The following IFNA16 variants were observed in gnomAD, a reference collection of about 807,000 sequenced individuals.
The protein encoded by IFNA16 is interferon alpha 16.
For missense variants in IFNA16, 332 were observed against 213.5 expected (o/e 1.55, Z -3.46); for synonymous variants, 122 against 83.3 (o/e 1.46, Z -2.53).
chr9:21,217,294 G>T lies in IFNA16; in HGVS notation c.12C>A (p.Ser4=), dbSNP rs1355479199. ...CCAGCACGGCCATCAGTAAAGAAAA[G>T]GACAGGGCCATTGGGATGTTGCAAA... MAL[S]FSLLMAVLVL... Residue 4 remains serine, a synonymous_variant, in exon 1 of 1, where the codon TCC becomes TCA. Transcript: ENST00000380216. 6.2e-7 allele frequency: 1 copy of T among 1,610,272 alleles called. No homozygotes were observed. The highest frequency in any genetic ancestry group is 8.5e-7 in the Non-Finnish European group (1 of 1,178,106).
chr9:21,216,968 A>T lies in IFNA16; in HGVS notation c.338T>A (p.Phe113Tyr), dbSNP rs1169919980. 1 of 1,613,936 alleles carries T rather than the reference A, an allele frequency of 6.2e-7. No homozygotes were observed. Among genetic ancestry groups the T allele is most frequent in the Non-Finnish European group, 8.5e-7 (1 of 1,179,940 alleles). Residue 113 changes from phenylalanine to tyrosine, a missense_variant, in exon 1 of 1, where the codon TTC becomes TAC. Transcript: ENST00000380216. ...GGCTTCTAGGTCATTCAGTTGCTGG[A>T]AAAGTTCAATGTAGAATTTGTCTAG... ...TLLDKFYIELFQQLNDLEACV... is the reference protein window; with the variant it reads ...TLLDKFYIELYQQLNDLEACV...
At position 21,216,570 on chromosome 9, in the gene IFNA16, G is replaced by T. The variant is rs1377657252; in HGVS notation, c.*166C>A. The T allele has an allele frequency of 1.5e-5, 13 of 878,312 alleles. No homozygotes were observed. In the Admixed American group the frequency reaches 3.7e-4, roughly 25 times the overall value. The allele number at this position is 878,312 out of a possible 1,614,324, so 54.4% of individuals were successfully genotyped here. A position where few individuals can be genotyped will look rare whatever the true frequency, so the allele number is the denominator to read the frequency against. ...CAGCATGGTCATCTGTAAAGGACTAGTGCCTGCACAGGTAAACACGATGCT... is the reference window on the plus strand; with the variant it reads ...CAGCATGGTCATCTGTAAAGGACTATTGCCTGCACAGGTAAACACGATGCT... On this transcript the variant is annotated 3_prime_UTR_variant, in exon 1 of 1. Coordinates refer to ENST00000380216, the MANE Select transcript of IFNA16 (RefSeq NM_002173.3).
chr9:21,216,619 G>C lies in IFNA16; in HGVS notation c.*117C>G, dbSNP rs1346886424. ...CTTCTTTACACTCCTGAAAACATTT[G>C]AAAATTTTGATTCAACTTGTGGTGG... is the stretch of plus-strand genomic sequence containing the variant. On this transcript the variant is annotated 3_prime_UTR_variant, in exon 1 of 1. Coordinates refer to ENST00000380216, the MANE Select transcript of IFNA16 (RefSeq NM_002173.3). 2 of 1,452,628 alleles carry C rather than the reference G, an allele frequency of 1.4e-6. No homozygotes were observed. 90.0% of individuals were successfully genotyped at this position (1,452,628 alleles called of 1,614,324 possible). A position where few individuals can be genotyped will look rare whatever the true frequency, so the allele number is the denominator to read the frequency against.
Position 21,216,922 on chromosome 9 carries a change from C to G in IFNA16, c.384G>C (p.Gly128=), listed in dbSNP as rs781334611. ...CATTCATCAGGGCAATCTCTTCCACCCCAACCTCCTGTGTCACACAGGCTT... is the reference window on the plus strand; with the variant it reads ...CATTCATCAGGGCAATCTCTTCCACGCCAACCTCCTGTGTCACACAGGCTT... The part of the protein sequence containing the change: ...DLEACVTQEV[G]VEEIALMNED... The change falls in exon 1 of 1, where the codon GGG becomes GGC. Residue 128 remains glycine (G), a synonymous_variant. Transcript: ENST00000380216. The G allele has an allele frequency of 1.2e-6, 2 of 1,613,906 alleles. No individual in the cohort carries two copies. Among genetic ancestry groups the G allele is most frequent in the Non-Finnish European group, 1.7e-6 (2 of 1,179,934 alleles).
Position 21,217,137 on chromosome 9 carries a change from A to G in IFNA16, c.169T>C (p.Tyr57His), listed in dbSNP as rs144860331. The change falls in exon 1 of 1, where the codon TAT (tyrosine) becomes CAT (histidine). Residue 57 changes from tyrosine (Y) to histidine (H), a missense_variant. By Grantham distance (83) the Tyr-to-His change is moderately conservative. Coordinates refer to ENST00000380216, the MANE Select transcript of IFNA16 (RefSeq NM_002173.3). Reference protein sequence around the residue: ...ISHFSCLKDRYDFGFPQEVFD... With the variant: ...ISHFSCLKDRHDFGFPQEVFD... ...ACCTCCTGGGGGAATCCGAAATCAT[A>G]TCTGTCCTTCAGGCAGGAGAAATGA... 118 of 1,613,870 alleles carry G rather than the reference A, an allele frequency of 7.3e-5. No homozygotes were observed. The highest frequency in any genetic ancestry group is 9.5e-5 in the Non-Finnish European group (112 of 1,179,914).
Position 21,217,071 on chromosome 9 carries a change from C to T in IFNA16, c.235G>A (p.Ala79Thr), listed in dbSNP as rs1383399917. The T allele has an allele frequency of 2.5e-6, 4 of 1,613,792 alleles. No homozygotes were observed. In the Admixed American group the frequency reaches 6.7e-5, roughly 27 times the overall value. ...NQFQKAQAIS[A>T]FHEMIQQTFN... is the part of the protein sequence containing the mutation. ...GTCTGCTGGATCATCTCATGGAAGG[C>T]AGAGATGGCTTGAGCCTTCTGGAAC... is the stretch of plus-strand genomic sequence containing the variant. Residue 79 changes from alanine (A) to threonine (T), a missense_variant, in exon 1 of 1, where the codon GCC (alanine) becomes ACC (threonine). Coordinates refer to ENST00000380216, the MANE Select transcript of IFNA16 (RefSeq NM_002173.3).
rs149344621 is a variant in IFNA16, at chr9:21,216,988, G to T, written c.318C>A (p.Asp106Glu). The T allele has an allele frequency of 5.6e-4, 898 of 1,613,852 alleles. 3 individuals carry two copies. The highest frequency in any genetic ancestry group is 2.6e-3 in the Middle Eastern group (16 of 6,058). The stretch of plus-strand genomic sequence containing the variant: ...GCTGGAAAAGTTCAATGTAGAATTT[G>T]TCTAGGAGGGTCTCATCCCAAGCAG... ...SSAAWDETLL[D>E]KFYIELFQQL... The change falls in exon 1 of 1, where the codon GAC becomes GAA. Residue 106 changes from aspartate (D) to glutamate (E), a missense_variant. Transcript: ENST00000380216.
chr9:21,217,185 G>A lies in IFNA16; in HGVS notation c.121C>T (p.Leu41=), dbSNP rs771267247. ...SLGNRRALIL[L]AQMGRISHFS... ...TGAGAGATTCTTCCCATTTGTGCCA[G>A]GAGTATCAAGGCCCTCCTATTACCC... is the stretch of plus-strand genomic sequence containing the variant. The change falls in exon 1 of 1, where the codon CTG becomes TTG. Residue 41 remains leucine, a synonymous_variant. Transcript: ENST00000380216. 5 of 1,613,930 alleles carry A rather than the reference G, an allele frequency of 3.1e-6. No individual in the cohort carries two copies. The highest frequency in any genetic ancestry group is 1.7e-5 in the Admixed American group (1 of 59,964).
In IFNA16 at chr9:21,216,639, T is replaced by G; in HGVS notation, c.*97A>C. The G allele has an allele frequency of 6.6e-7, 1 of 1,512,666 alleles. No individual in the cohort carries two copies. Among genetic ancestry groups the G allele is most frequent in the Non-Finnish European group, 8.9e-7 (1 of 1,123,342 alleles). The allele number at this position is 1,512,666 out of a possible 1,614,324, so 93.7% of individuals were successfully genotyped here. On this transcript the variant is annotated 3_prime_UTR_variant, in exon 1 of 1. Transcript: ENST00000380216. ...CATTTGAAAATTTTGATTCAACTTG[T>G]GGTGGTTATAGAAGTGAGTCTTTGA...
rs775722069 is a variant in IFNA16 at position 21,216,693 on chromosome 9, G to A, written c.*43C>T. 31 of 1,595,202 alleles carry A rather than the reference G, an allele frequency of 1.9e-5. No homozygotes were observed. Among genetic ancestry groups the A allele is most frequent in the Middle Eastern group, 3.3e-4 (2 of 5,974 alleles). Reference sequence around the variant, plus strand: ...GGAAGAACTCATGAAAGTGTGAGATGATGTATTAATCAATGAGGATCATTT... The same window carrying A: ...GGAAGAACTCATGAAAGTGTGAGATAATGTATTAATCAATGAGGATCATTT... On this transcript the variant is annotated 3_prime_UTR_variant, in exon 1 of 1. Coordinates refer to ENST00000380216, the MANE Select transcript of IFNA16 (RefSeq NM_002173.3).
In IFNA16 at chr9:21,216,611, A is replaced by G; in HGVS notation, c.*125T>C. 3 of 1,409,404 alleles carry G rather than the reference A, an allele frequency of 2.1e-6. No individual in the cohort carries two copies. In the East Asian group the frequency reaches 7.0e-5, roughly 33 times the overall value. 87.3% of individuals were successfully genotyped at this position (1,409,404 alleles called of 1,614,324 possible). ...ACACGATGCTTCTTTACACTCCTGAAAACATTTGAAAATTTTGATTCAACT... is the reference window on the plus strand; with the variant it reads ...ACACGATGCTTCTTTACACTCCTGAGAACATTTGAAAATTTTGATTCAACT... On this transcript the variant is annotated 3_prime_UTR_variant, in exon 1 of 1. Transcript: ENST00000380216.
In IFNA16 at chr9:21,216,664, A is replaced by G. The variant is rs1182990952; in HGVS notation, c.*72T>C. ...TGGTGGTTATAGAAGTGAGTCTTTG[A>G]AATGGAAGAACTCATGAAAGTGTGA... On this transcript the variant is annotated 3_prime_UTR_variant, in exon 1 of 1. Transcript: ENST00000380216. The G allele has an allele frequency of 8.3e-6, 13 of 1,561,260 alleles. No homozygotes were observed. The highest frequency in any genetic ancestry group is 1.7e-6 in the Non-Finnish European group (2 of 1,156,286).
At position 21,217,299 on chromosome 9, in the gene IFNA16, G is replaced by A. The variant is rs746286661; in HGVS notation, c.7C>T (p.Leu3=). The A allele has an allele frequency of 1.2e-6, 2 of 1,606,442 alleles. No individual in the cohort carries two copies. Among genetic ancestry groups the A allele is most frequent in the African/African-American group, 1.3e-5 (1 of 74,656 alleles). ...ACGGCCATCAGTAAAGAAAAGGACA[G>A]GGCCATTGGGATGTTGCAAATATTG... The part of the protein sequence containing the change: MA[L]SFSLLMAVLV... Residue 3 remains leucine, a synonymous_variant, in exon 1 of 1, where the codon CTG becomes TTG. Transcript: ENST00000380216.
Position 21,217,149 on chromosome 9 carries a change from G to A in IFNA16, c.157C>T (p.Leu53=). The A allele has an allele frequency of 6.2e-7, 1 of 1,613,936 alleles. No individual in the cohort carries two copies. Among genetic ancestry groups the A allele is most frequent in the Non-Finnish European group, 8.5e-7 (1 of 1,179,860 alleles). The part of the protein sequence containing the change: ...QMGRISHFSC[L]KDRYDFGFPQ... ...AATCCGAAATCATATCTGTCCTTCA[G>A]GCAGGAGAAATGAGAGATTCTTCCC... is the stretch of plus-strand genomic sequence containing the variant. The change falls in exon 1 of 1, where the codon CTG becomes TTG. Residue 53 remains leucine (L), a synonymous_variant. Coordinates refer to ENST00000380216, the MANE Select transcript of IFNA16 (RefSeq NM_002173.3).
rs3919593 is a variant in IFNA16, at chr9:21,216,729, T to C, written c.*7A>G. On this transcript the variant is annotated 3_prime_UTR_variant, in exon 1 of 1. Transcript: ENST00000380216. ...CAATGAGGATCATTTCCATGTTGAA[T>C]GAGTTTTCAATCCTTCCTTCTTAAT... The C allele has an allele frequency of 0.057, 91,122 of 1,611,552 alleles. 3,465 individuals are homozygous for C. Among genetic ancestry groups the C allele is most frequent in the African/African-American group, 0.17 (13,026 of 74,726 alleles).
Position 21,216,538 on chromosome 9 carries a change from G to T in IFNA16, c.*198C>A. ...AAATATTTAAATAAATAGATGAATA[G>T]AGACATCAGCATGGTCATCTGTAAA... On this transcript the variant is annotated 3_prime_UTR_variant, in exon 1 of 1. Coordinates refer to ENST00000380216, the MANE Select transcript of IFNA16 (RefSeq NM_002173.3). 1 of 460,244 alleles carries T rather than the reference G, an allele frequency of 2.2e-6. No individual in the cohort carries two copies. Among genetic ancestry groups the T allele is most frequent in the South Asian group, 8.2e-5 (1 of 12,232 alleles). The allele number at this position is 460,244 out of a possible 1,614,324, so 28.5% of individuals were successfully genotyped here.
At position 21,216,958 on chromosome 9, in the gene IFNA16, C is replaced by T; in HGVS notation, c.348G>A (p.Leu116=). The part of the protein sequence containing the change: ...DKFYIELFQQ[L]NDLEACVTQE... ...GTGTCACACAGGCTTCTAGGTCATT[C>T]AGTTGCTGGAAAAGTTCAATGTAGA... The change falls in exon 1 of 1, where the codon CTG becomes CTA. Residue 116 remains leucine, a synonymous_variant. Transcript: ENST00000380216. The T allele has an allele frequency of 6.2e-7, 1 of 1,613,904 alleles. No homozygotes were observed. Among genetic ancestry groups the T allele is most frequent in the Non-Finnish European group, 8.5e-7 (1 of 1,179,936 alleles).
rs766942389 is a variant in IFNA16 at position 21,217,125 on chromosome 9, A to C, written c.181T>G (p.Phe61Val). The change falls in exon 1 of 1, where the codon TTC becomes GTC. Residue 61 changes from phenylalanine to valine, a missense_variant. Physicochemically the swap from Phe to Val is conservative, Grantham distance 50. Coordinates refer to ENST00000380216, the MANE Select transcript of IFNA16 (RefSeq NM_002173.3). ...TTGCCATCAAACACCTCCTGGGGGAATCCGAAATCATATCTGTCCTTCAGG... is the reference window on the plus strand; with the variant it reads ...TTGCCATCAAACACCTCCTGGGGGACTCCGAAATCATATCTGTCCTTCAGG... ...SCLKDRYDFGFPQEVFDGNQF... is the reference protein window; with the variant it reads ...SCLKDRYDFGVPQEVFDGNQF... The C allele has an allele frequency of 4.3e-6, 7 of 1,614,042 alleles. No homozygotes were observed. The East Asian group carries it at 1.6e-4, about 36-fold the overall frequency.
At position 21,216,837 on chromosome 9, in the gene IFNA16, T is replaced by G. The variant is rs1361377055; in HGVS notation, c.469A>C (p.Lys157Gln). 2 of 1,613,988 alleles carry G rather than the reference T, an allele frequency of 1.2e-6. No individual in the cohort carries two copies. The highest frequency in any genetic ancestry group is 1.7e-6 in the Non-Finnish European group (2 of 1,179,946). The change falls in exon 1 of 1, where the codon AAG (lysine) becomes CAG (glutamine). Residue 157 changes from lysine (K) to glutamine (Q), a missense_variant. Lys to Gln is a moderately conservative substitution (Grantham distance 53). Transcript: ENST00000380216. ...FQRITLYLMG[K>Q]KYSPCAWEVV... ...TCCCAGGCACAAGGGCTGTATTTCTTCCCCATCAGATAAAGAGTGATTCTT... is the reference window on the plus strand; with the variant it reads ...TCCCAGGCACAAGGGCTGTATTTCTGCCCCATCAGATAAAGAGTGATTCTT...
Sources: gnomAD v4.1 joint callset for allele counts on GRCh38, gnomAD v4.1.1 for gene constraint, MANE v1.5 for transcripts, NCBI Gene and HGNC (gene_info 2026-07-23, HGNC 2026-07-21) for gene names.